Variants in STXBP5L observed in about 807,000 individuals in gnomAD.
The protein encoded by STXBP5L is syntaxin binding protein 5L, also known as syntaxin-binding protein 5-like.
STXBP5L carries 65 observed loss-of-function variants against 144.5 expected under a neutral mutation model. The observed-to-expected ratio is 0.45, with a 90% CI of 0.37 to 0.55. STXBP5L has a LOEUF of 0.55. STXBP5L is among the 20% of genes least tolerant of loss of function. The pLI is 0.00. For synonymous variants in STXBP5L, 505 were observed against 469.6 expected, an observed-to-expected ratio of 1.08 and a Z score of -0.97; for missense variants, 1,298 against 1,405.5, an observed-to-expected ratio of 0.92 and a Z score of 1.22.
rs182684009 is a variant in STXBP5L, at chr3:121,020,160, C to T, written c.288-21540C>T. Among the ~76,000 whole-genome samples, 223 of 152,010 alleles carry T rather than the reference C, an allele frequency of 1.5e-3. 1 individual carries two copies. The highest frequency in any genetic ancestry group is 6.8e-3 in the Middle Eastern group (2 of 292). On this transcript the variant is annotated intron_variant, in intron 3 of 26. Transcript: ENST00000471454. ...GGAAAGGCTCGGCAATAATATTGAACAAGTAGAAGAAAGAACTTCAGAACT... is the reference window on the plus strand; with the variant it reads ...GGAAAGGCTCGGCAATAATATTGAATAAGTAGAAGAAAGAACTTCAGAACT...
chr3:121,024,247 A>T (rs762193833), intron 3 of STXBP5L, among the ~76,000 whole-genome samples: 5 of 152,190 alleles, frequency 3.3e-5, no homozygotes, highest in Non-Finnish European at 5.9e-5. Context: ...TAATTTAAAC[A>T]TTGGTAAAAT....
intron 20 of STXBP5L, among the ~76,000 whole-genome samples, chr3:121,377,562 A>G (rs1012377956): frequency 2.0e-5 from 3 of 152,308 alleles, no homozygotes; most frequent in South Asian, 2.1e-4. Context: ...GCCAAAAAAC[A>G]TATGAAAAAA....
At chr3:121,121,578 G>A in intron 6 of STXBP5L, 63 bp from the exon 7 acceptor site, 1 of 1,165,060 alleles carries the variant, frequency 8.6e-7, no homozygotes, top group Non-Finnish European at 1.3e-6. Flanking sequence ...CTTTGTTTCA[G>A]TCTCTAGTGG....
intron 19 of STXBP5L, among the ~76,000 whole-genome samples, 154 bp from the exon 20 acceptor site, chr3:121,318,321 T>C (rs2043851483): frequency 6.6e-6 from 1 of 151,836 alleles, no homozygotes; most frequent in South Asian, 2.1e-4. Context: ...TTAATAAAAA[T>C]ATTTTTAAAA....
chr3:121,091,059 G>C (rs955507630), intron 5 of STXBP5L, among the ~76,000 whole-genome samples: 2 of 150,754 alleles, frequency 1.3e-5, no homozygotes, highest in Non-Finnish European at 2.9e-5. Flanking sequence ...ATAGTTTACT[G>C]AGAATGATGC....
intron 3 of STXBP5L, among the ~76,000 whole-genome samples, chr3:120,995,384 G>A (rs1009987270): frequency 6.6e-6 from 1 of 152,132 alleles, no homozygotes. Context: ...CTGGGCTCAA[G>A]TGATCCTTCT....
At chr3:120,973,410 G>A (rs957116419) in intron 3 of STXBP5L, among the ~76,000 whole-genome samples, 1 of 151,864 alleles carries the variant, frequency 6.6e-6, no homozygotes, top group African/African-American at 2.4e-5. Flanking sequence ...TATAATGTCA[G>A]TTGTAATGTC....
intron 5 of STXBP5L, among the ~76,000 whole-genome samples, chr3:121,074,350 G>A (rs960061112): frequency 1.3e-4 from 20 of 152,278 alleles, no homozygotes; most frequent in Admixed American, 3.3e-4. Context: ...TTTATGGCCC[G>A]CAAATCCTTT....
At chr3:120,909,458 G>A in intron 1 of STXBP5L, 113 bp from the exon 2 acceptor site, 1 of 918,696 alleles carries the variant, frequency 1.1e-6, no homozygotes, top group Non-Finnish European at 1.6e-6. Flanking sequence ...CGTAACCAAT[G>A]CTCATAAAAT....
At chr3:121,337,268 T>G (rs1327343117) in intron 20 of STXBP5L, among the ~76,000 whole-genome samples, 1 of 151,994 alleles carries the variant, frequency 6.6e-6, no homozygotes, top group Non-Finnish European at 1.5e-5. Context: ...ACAAAAAAAT[T>G]AAAAATCACA....
At chr3:121,089,846 G>C (rs2042691984) in intron 5 of STXBP5L, among the ~76,000 whole-genome samples, 1 of 151,778 alleles carries the variant, frequency 6.6e-6, no homozygotes, top group Non-Finnish European at 1.5e-5. Flanking sequence ...GTCTGTCCTT[G>C]TTATTCTGGT....
intron 22 of STXBP5L, among the ~76,000 whole-genome samples, chr3:121,390,392 A>T (rs2046550381): frequency 6.6e-6 from 1 of 152,090 alleles, no homozygotes; most frequent in Non-Finnish European, 1.5e-5. Context: ...TTTACATTTA[A>T]GGTTAATATT....
chr3:121,132,866 ATAGCAGGC>A (rs2045059421), intron 7 of STXBP5L, among the ~76,000 whole-genome samples: 2 of 152,170 alleles, frequency 1.3e-5, no homozygotes, highest in Admixed American at 1.3e-4. Flanking sequence ...AGAGGGGTCA[ATAGCAGGC>A]TACATAAAGT....
chr3:121,316,429 CTCTT>C (rs1210709577), intron 19 of STXBP5L, among the ~76,000 whole-genome samples: 1 of 152,160 alleles, frequency 6.6e-6, no homozygotes, highest in African/African-American at 2.4e-5. Flanking sequence ...TTTGATGAAA[CTCTT>C]TCTAACATAT....
intron 5 of STXBP5L, among the ~76,000 whole-genome samples, chr3:121,087,633 CTA>C (rs1338631487): frequency 2.0e-5 from 3 of 151,888 alleles, no homozygotes; most frequent in Non-Finnish European, 2.9e-5. Flanking sequence ...TTCTGTCAGT[CTA>C]TATATTTTAA....
At chr3:121,149,141 A>G (rs1351729429) in intron 7 of STXBP5L, among the ~76,000 whole-genome samples, 1 of 151,984 alleles carries the variant, frequency 6.6e-6, no homozygotes, top group Non-Finnish European at 1.5e-5. Flanking sequence ...CTTGTCTTCT[A>G]TTGTGTTTTT....
At chr3:120,987,829 A>G (rs1232229103) in intron 3 of STXBP5L, among the ~76,000 whole-genome samples, 3 of 151,794 alleles carry the variant, frequency 2.0e-5, no homozygotes, top group Non-Finnish European at 4.4e-5. Flanking sequence ...TAAATTAGGA[A>G]GTATTCCTTT....
chr3:121,395,588 A>T (rs1230497043), intron 22 of STXBP5L, among the ~76,000 whole-genome samples: 2 of 152,202 alleles, frequency 1.3e-5, no homozygotes, highest in African/African-American at 4.8e-5. Flanking sequence ...AAATACTGAG[A>T]TCAGAAAGCA....
At chr3:120,913,363 T>G (rs1248890796) in intron 2 of STXBP5L, among the ~76,000 whole-genome samples, 6 of 151,968 alleles carry the variant, frequency 3.9e-5, no homozygotes, top group Non-Finnish European at 7.4e-5. Context: ...TCCTAGGCAC[T>G]TGCATTTTTT....
Sources: allele counts gnomAD v4.1 joint callset (sites outside exome capture counted in the v4.1 genomes callset), GRCh38; gene constraint gnomAD v4.1.1; transcripts MANE v1.5; gene names NCBI Gene and HGNC (gene_info 2026-07-23, HGNC 2026-07-21).